TRAPPC8: variants seen among roughly 807,000 people sequenced by gnomAD.
The protein encoded by TRAPPC8 is general sporulation gene 1 homolog.
In TRAPPC8, 54 loss-of-function variants were observed where a neutral mutation model predicts 174.3. That is an observed-to-expected ratio of 0.31 (90% confidence interval 0.25 to 0.39). The LOEUF is 0.39. Among genes scored for constraint, TRAPPC8 ranks in the 10% least tolerant of loss-of-function variants. TRAPPC8 has a pLI of 1.00. For synonymous variants in TRAPPC8, 630 were observed against 579.9 expected, an observed-to-expected ratio of 1.09 and a Z score of -1.24; for missense variants, 1,531 against 1,699.1, an observed-to-expected ratio of 0.90 and a Z score of 1.74.
chr18:31,845,550 G>A lies in TRAPPC8; in HGVS notation c.3837+1166C>T, dbSNP rs932106164. Among the ~76,000 whole-genome samples the A allele has an allele frequency of 4.0e-5, 6 of 151,810 alleles. No homozygotes were observed. In the East Asian group the frequency reaches 1.2e-3, roughly 29 times the overall value. ...ATATTTAGGGACAGAGTGACAGGAT[G>A]CCTGCAATTTACTTGGGAGTAATTA... On this transcript the variant is annotated intron_variant, in intron 26 of 28. Transcript: ENST00000283351.
intron 10 of TRAPPC8, among the ~76,000 whole-genome samples, chr18:31,898,848 A>G (rs1309560627): frequency 1.3e-5 from 2 of 152,228 alleles, no homozygotes; most frequent in Admixed American, 6.5e-5. Context: ...AAACAGCAGC[A>G]AAAGTTTTTC....
chr18:31,890,286 G>A (rs2035897955), intron 12 of TRAPPC8, among the ~76,000 whole-genome samples: 1 of 152,160 alleles, frequency 6.6e-6, no homozygotes, highest in Non-Finnish European at 1.5e-5. Flanking sequence ...AGAGACAACA[G>A]ACAGAAGATG....
At chr18:31,895,346 AAAG>A (rs901372610) in intron 11 of TRAPPC8, among the ~76,000 whole-genome samples, 2 of 152,222 alleles carry the variant, frequency 1.3e-5, no homozygotes, top group African/African-American at 4.8e-5. Context: ...AAGTTATCTC[AAAG>A]AAATTTATGA....
intron 1 of TRAPPC8, among the ~76,000 whole-genome samples, chr18:31,942,195 C>T (rs946445421): frequency 6.6e-6 from 1 of 152,212 alleles, no homozygotes; most frequent in Non-Finnish European, 1.5e-5. Flanking sequence ...AGTTTAACAT[C>T]CAAGGGAGGA....
chr18:31,878,245 T>C (rs922255928), intron 12 of TRAPPC8, among the ~76,000 whole-genome samples: 2 of 152,086 alleles, frequency 1.3e-5, no homozygotes, highest in Admixed American at 1.3e-4. Flanking sequence ...CCAAAAAGGA[T>C]CAAATAATCT....
intron 9 of TRAPPC8, among the ~76,000 whole-genome samples, chr18:31,906,995 TA>T (rs1447848696): frequency 1.3e-5 from 2 of 152,086 alleles, no homozygotes; most frequent in Non-Finnish European, 2.9e-5. Context: ...AAAAAACTTC[TA>T]AAAAAATTTT....
intron 9 of TRAPPC8, among the ~76,000 whole-genome samples, chr18:31,905,290 TA>T (rs2036611077): frequency 6.6e-6 from 1 of 152,180 alleles, no homozygotes; most frequent in Admixed American, 6.5e-5. Flanking sequence ...AGCAGTATTA[TA>T]AACTTATATC....
intron 20 of TRAPPC8, among the ~76,000 whole-genome samples, chr18:31,856,090 C>T (rs951196669): frequency 4.0e-5 from 6 of 151,868 alleles, no homozygotes; most frequent in Non-Finnish European, 7.4e-5. Flanking sequence ...TGGTAATGTT[C>T]TGATTGTGCT....
chr18:31,929,802 T>C (rs1340223509), intron 2 of TRAPPC8, among the ~76,000 whole-genome samples: 1 of 152,204 alleles, frequency 6.6e-6, no homozygotes, highest in East Asian at 1.9e-4. Context: ...ACAACACTGA[T>C]GAGAGAAAAA....
At position 31,853,936 on chromosome 18, in the gene TRAPPC8, C is replaced by A; in HGVS notation, c.3346G>T (p.Gly1116Cys). 6.2e-7 allele frequency: 1 copy of A among 1,607,166 alleles called. No homozygotes were observed. Among genetic ancestry groups the A allele is most frequent in the South Asian group, 1.1e-5 (1 of 90,124 alleles). Residue 1116 changes from glycine (G) to cysteine (C), a missense_variant, in exon 22 of 29, where the codon GGC becomes TGC. Transcript: ENST00000283351. ...TGCACTATGTGGAATTCCTTAACGCCTGCTTCACTCTGTCAAAAAAAAAGA... is the reference window on the plus strand; with the variant it reads ...TGCACTATGTGGAATTCCTTAACGCATGCTTCACTCTGTCAAAAAAAAAGA... Reference protein sequence around the residue: ...DVENTNTSEAGVKEFHIVQVS... With the variant: ...DVENTNTSEACVKEFHIVQVS...
At chr18:31,899,660 A>C (rs2036330302) in intron 10 of TRAPPC8, among the ~76,000 whole-genome samples, 1 of 152,272 alleles carries the variant, frequency 6.6e-6, no homozygotes, top group Non-Finnish European at 1.5e-5. Flanking sequence ...TAAAAATAAT[A>C]CATGGGCCTG....
At chr18:31,845,916 C>T (rs1288934990) in intron 26 of TRAPPC8, among the ~76,000 whole-genome samples, 1 of 152,096 alleles carries the variant, frequency 6.6e-6, no homozygotes, top group African/African-American at 2.4e-5. Context: ...GAAAGTTTTT[C>T]AGTAAGATTA....
chr18:31,853,944 C>G lies in TRAPPC8; in HGVS notation c.3338G>C (p.Ser1113Thr). The G allele has an allele frequency of 6.2e-7, 1 of 1,602,132 alleles. No individual in the cohort carries two copies. Among genetic ancestry groups the G allele is most frequent in the South Asian group, 1.1e-5 (1 of 89,430 alleles). The stretch of plus-strand genomic sequence containing the variant: ...GTGGAATTCCTTAACGCCTGCTTCA[C>G]TCTGTCAAAAAAAAAGATAGGAGTC... ...VFVDVENTNT[S>T]EAGVKEFHIV... Residue 1113 changes from serine (S) to threonine (T), a missense_variant and splice_region_variant, in exon 22 of 29, where the codon AGT becomes ACT. By Grantham distance (58) the Ser-to-Thr change is moderately conservative. Transcript: ENST00000283351.
At chr18:31,889,250 A>G (rs1411134513) in intron 12 of TRAPPC8, among the ~76,000 whole-genome samples, 1 of 152,208 alleles carries the variant, frequency 6.6e-6, no homozygotes, top group Non-Finnish European at 1.5e-5. Flanking sequence ...TAGCAAATGT[A>G]TCTCAACCTA....
rs1040360744 is a variant in TRAPPC8 at position 31,942,734 on chromosome 18, G to A, written c.31C>T (p.Leu11=). Residue 11 remains leucine (L), a synonymous_variant, in exon 1 of 29, where the codon CTA becomes TTA. Transcript: ENST00000283351. ...CAGGGGACGAAGGAGTCCGGGATTA[G>A]CTCCTGCACTGATTGTACACACTGG... MAQCVQSVQE[L]IPDSFVPCVA... 6.3e-7 allele frequency: 1 copy of A among 1,593,108 alleles called. No homozygotes were observed. Among genetic ancestry groups the A allele is most frequent in the Non-Finnish European group, 8.5e-7 (1 of 1,170,446 alleles).
At chr18:31,885,058 C>A (rs1354798117) in intron 12 of TRAPPC8, among the ~76,000 whole-genome samples, 2 of 151,978 alleles carry the variant, frequency 1.3e-5, no homozygotes, top group Non-Finnish European at 2.9e-5. Flanking sequence ...GGGGTTTCAC[C>A]GTGTTAGCCA....
At chr18:31,941,429 G>C (rs867422372) in intron 1 of TRAPPC8, among the ~76,000 whole-genome samples, 40 of 152,214 alleles carry the variant, frequency 2.6e-4, no homozygotes, top group African/African-American at 9.6e-4. Flanking sequence ...GGCAACAAGA[G>C]CGAAACTCCA....
chr18:31,893,402 TGC>T (rs71177803), intron 11 of TRAPPC8, among the ~76,000 whole-genome samples: 7,470 of 138,238 alleles, frequency 0.054, 432 homozygotes, highest in African/African-American at 0.14. Context: ...TGTGTGTGTG[TGC>T]GCGCGCGCGT....
chr18:31,882,519 T>C (rs1286668084), intron 12 of TRAPPC8, among the ~76,000 whole-genome samples: 2 of 152,146 alleles, frequency 1.3e-5, no homozygotes, highest in Non-Finnish European at 2.9e-5. Context: ...TATTCACTAT[T>C]TGGGTGATGG....
Sources: allele counts gnomAD v4.1 joint callset (sites outside exome capture counted in the v4.1 genomes callset), GRCh38; gene constraint gnomAD v4.1.1; transcripts MANE v1.5; gene names NCBI Gene and HGNC (gene_info 2026-07-23, HGNC 2026-07-21).